The following UBR4 variants were observed in gnomAD, a reference collection of about 807,000 sequenced individuals.
UBR4 encodes the protein ubiquitin protein ligase E3 component n-recognin 4.
UBR4 carries 124 observed loss-of-function variants against 575.6 expected under a neutral mutation model. The observed-to-expected ratio is 0.22, with a 90% CI of 0.19 to 0.25. UBR4 has a LOEUF of 0.25. Ranked by LOEUF, UBR4 falls within the 10% of genes least tolerant of loss-of-function variation. UBR4 has a pLI of 1.00. For synonymous variants in UBR4, 2,455 were observed against 2,473.7 expected (o/e 0.99, Z 0.22); for missense variants, 4,818 against 6,478.8 (o/e 0.74, Z 8.80).
At chr1:19,113,526 C>T in intron 77 of UBR4, 173 bp downstream of exon 77, 1 of 910,914 alleles carries the variant, frequency 1.1e-6, no homozygotes, top group South Asian at 1.7e-5. Context: ...CGCCATAAAT[C>T]ACGGTGGGGG....
In UBR4 at chr1:19,192,255, G is replaced by A; in HGVS notation, c.1327C>T (p.Arg443Ter). ...GTACGAGAAAGGATGTCTCTGACTC[G>A]GAGGGCAGCCAGTGGGTCCTTCTCT... ...GKEKDPLAALRVRDILSRTKE... is the reference protein window; with the variant it reads ...GKEKDPLAAL Residue 443 changes from arginine to a stop codon, truncating the protein, a stop_gained, in exon 11 of 106, where the codon CGA becomes TGA. Coordinates refer to ENST00000375254, the MANE Select transcript of UBR4 (RefSeq NM_020765.3). LOFTEE classifies it high-confidence loss of function. 1 of 1,614,152 alleles carries A rather than the reference G, an allele frequency of 6.2e-7. No homozygotes were observed. Among genetic ancestry groups the A allele is most frequent in the Non-Finnish European group, 8.5e-7 (1 of 1,180,016 alleles).
intron 82 of UBR4, 40 bp from the exon 83 acceptor site, chr1:19,106,766 T>C: frequency 6.2e-7 from 1 of 1,600,098 alleles, no homozygotes; most frequent in Non-Finnish European, 8.6e-7. Flanking sequence ...GGTAAGTAAA[T>C]GAGAGTGACA....
chr1:19,148,269 AGTTT>A, intron 50 of UBR4, 142 bp from the exon 51 acceptor site: 3 of 1,122,484 alleles, frequency 2.7e-6, no homozygotes, highest in Non-Finnish European at 3.7e-6. Flanking sequence ...AAAAAAAAAA[AGTTT>A]CAGAAATTAT....
At chr1:19,086,403 T>G in intron 100 of UBR4, 133 bp from the exon 101 acceptor site, 1 of 1,294,600 alleles carries the variant, frequency 7.7e-7, no homozygotes, top group Non-Finnish European at 1.0e-6. Flanking sequence ...CTCCTGACCC[T>G]GCGAAGAGAA....
intron 60 of UBR4, 82 bp downstream of exon 60, chr1:19,137,925 C>T (rs2083382231): frequency 3.0e-6 from 4 of 1,312,084 alleles, no homozygotes; most frequent in Non-Finnish European, 4.0e-6. Flanking sequence ...ACTACTCTAC[C>T]TCCTGCAATT....
chr1:19,128,124 G>T, intron 62 of UBR4, 87 bp downstream of exon 62: 1 of 1,285,298 alleles, frequency 7.8e-7, no homozygotes, highest in East Asian at 2.3e-5. Flanking sequence ...TTGAAACGAG[G>T]TGAAGTTCCT....
chr1:19,110,383 A>C lies in UBR4; in HGVS notation c.11974T>G (p.Cys3992Gly). ...EDSCWELRLR[C>G]ALSLFLMAVN... is the part of the protein sequence containing the mutation. ...CTCTGAAAATCCCCTAACTCACCACAGCGTAACCGGAGCTCCCAGCAGCTG... is the reference window on the plus strand; with the variant it reads ...CTCTGAAAATCCCCTAACTCACCACCGCGTAACCGGAGCTCCCAGCAGCTG... The change falls in exon 80 of 106, where the codon TGT becomes GGT. Residue 3992 changes from cysteine to glycine, a missense_variant. Around this residue, in one of 29 missense-constraint regions of UBR4, gnomAD observed 333 missense variants for 459.2 expected, o/e 0.73. Transcript: ENST00000375254. This position sits in a 1 kb window ranked among gnomAD's most constrained non-coding sequence, Gnocchi z 4.5. 1 of 1,614,146 alleles carries C rather than the reference A, an allele frequency of 6.2e-7. No homozygotes were observed. Among genetic ancestry groups the C allele is most frequent in the Non-Finnish European group, 8.5e-7 (1 of 1,180,008 alleles).
rs553650923 is a variant in UBR4 at position 19,126,624 on chromosome 1, G to A, written c.9260C>T (p.Ala3087Val). The A allele has an allele frequency of 3.8e-5, 62 of 1,613,930 alleles. No homozygotes were observed. The South Asian group carries it at 6.6e-4, about 17-fold the overall frequency. Residue 3087 changes from alanine (A) to valine (V), a missense_variant, in exon 64 of 106, where the codon GCA (alanine) becomes GTA (valine). Around this residue, in one of 29 missense-constraint regions of UBR4, gnomAD observed 550 missense variants for 791.5 expected, o/e 0.69. Coordinates refer to ENST00000375254, the MANE Select transcript of UBR4 (RefSeq NM_020765.3). ...SSSLISSATA[A>V]ALLSSGAVDY... ...CACAGCCCCAGAGCTCAGTAGAGCT[G>A]CTGCTGTGGCACTGGAGATGAGGGA...
chr1:19,107,004 G>C, intron 81 of UBR4, 38 bp from the exon 82 acceptor site: 2 of 1,607,822 alleles, frequency 1.2e-6, no homozygotes, highest in African/African-American at 2.7e-5. Flanking sequence ...GGGCGCTCAA[G>C]GGCACACCTG....
At chr1:19,167,422 T>C (rs1310404109) in intron 28 of UBR4, among the ~76,000 whole-genome samples, 191 bp from the exon 29 acceptor site, 1 of 152,250 alleles carries the variant, frequency 6.6e-6, no homozygotes, top group Admixed American at 6.5e-5. Flanking sequence ...TATTCTTCTT[T>C]TTCATTATTA....
Position 19,177,649 on chromosome 1 carries a change from T to C in UBR4, c.2449A>G (p.Ile817Val). The C allele has an allele frequency of 6.2e-7, 1 of 1,613,806 alleles. No individual in the cohort carries two copies. Among genetic ancestry groups the C allele is most frequent in the Non-Finnish European group, 8.5e-7 (1 of 1,179,960 alleles). Residue 817 changes from isoleucine (I) to valine (V), a missense_variant, in exon 19 of 106, where the codon ATT becomes GTT. Ile to Val is a conservative substitution (Grantham distance 29). Coordinates refer to ENST00000375254, the MANE Select transcript of UBR4 (RefSeq NM_020765.3). ...NVEHLQMLLL[I>V]FHNFTETGRR... is the part of the protein sequence containing the mutation. ...CCTGTCTCGGTGAAATTGTGGAAAA[T>C]GAGGAGGAGCATCTGCAGGTGTTCT...
In UBR4 at chr1:19,162,513, G is replaced by A. The variant is rs767593210; in HGVS notation, c.4863C>T (p.Leu1621=). The A allele has an allele frequency of 2.5e-5, 41 of 1,614,056 alleles. No individual in the cohort carries two copies. The highest frequency in any genetic ancestry group is 2.7e-5 in the African/African-American group (2 of 74,934). ...TGGCCCGCTCTTCCCCATCCACTGA[G>A]AGATGACTTGGGCCTTGACCATTAC... The part of the protein sequence containing the change: ...SQSNGQGPSH[L]SVDGEERAIE... The change falls in exon 35 of 106, where the codon CTC becomes CTT. Residue 1621 remains leucine, a synonymous_variant. Transcript: ENST00000375254.
Position 19,095,225 on chromosome 1 carries a change from G to GC in UBR4, c.13627-201dup, listed in dbSNP as rs1023938375. Among the ~76,000 whole-genome samples the GC allele has an allele frequency of 3.3e-5, 5 of 152,228 alleles. No homozygotes were observed. In the East Asian group the frequency reaches 9.6e-4, roughly 29 times the overall value. On this transcript the variant is annotated intron_variant, in intron 93 of 105. Transcript: ENST00000375254. ...GCTTTTGATGACAGGCAGCTTTGCT[G>GC]CCCCAAGGAGAGGGGCACTTCTTTC...
chr1:19,129,143 C>G, intron 60 of UBR4, 69 bp from the exon 61 acceptor site: 1 of 1,316,272 alleles, frequency 7.6e-7, no homozygotes, highest in Non-Finnish European at 1.1e-6. Flanking sequence ...ATACAGTTCC[C>G]TCCCCAACCC....
intron 102 of UBR4, among the ~76,000 whole-genome samples, chr1:19,083,732 C>G (rs1005741749): frequency 3.5e-4 from 54 of 152,282 alleles, no homozygotes; most frequent in African/African-American, 1.3e-3. Flanking sequence ...CAGAGTCTTG[C>G]TATGTTGCTT....
intron 60 of UBR4, among the ~76,000 whole-genome samples, chr1:19,132,067 A>G (rs187167183): frequency 1.2e-4 from 19 of 152,386 alleles, no homozygotes; most frequent in African/African-American, 4.6e-4. Flanking sequence ...TGAATTGAAT[A>G]GCAATGAAAA....
intron 105 of UBR4, among the ~76,000 whole-genome samples, chr1:19,075,914 C>G (rs936410605): frequency 6.6e-6 from 1 of 152,172 alleles, no homozygotes; most frequent in African/African-American, 2.4e-5. Context: ...AAAAATGAAA[C>G]AAGATCATAA....
At chr1:19,096,415 C>T (rs1275619666) in intron 92 of UBR4, 108 bp downstream of exon 92, 7 of 1,495,246 alleles carry the variant, frequency 4.7e-6, no homozygotes, top group Non-Finnish European at 6.2e-6. Context: ...CTCCACGGCA[C>T]CATGCTGCCC....
chr1:19,197,892 A>C (rs1312146963), intron 6 of UBR4, 55 bp downstream of exon 6: 9 of 1,612,434 alleles, frequency 5.6e-6, no homozygotes, highest in Admixed American at 1.7e-5. Flanking sequence ...AAGCACACTT[A>C]AGGAATTTTT....
Sources: allele counts gnomAD v4.1 joint callset (sites outside exome capture counted in the v4.1 genomes callset), GRCh38; gene constraint gnomAD v4.1.1; regional missense constraint gnomAD v4.1.1; non-coding constraint Gnocchi (gnomAD v3.1); transcripts MANE v1.5; gene names NCBI Gene and HGNC (gene_info 2026-07-23, HGNC 2026-07-21).